Variants in SH3KBP1 observed in about 807,000 individuals in gnomAD.
SH3KBP1 encodes the protein SH3 domain containing kinase binding protein 1.
A neutral mutation model predicts 50.1 loss-of-function variants in SH3KBP1; 8 were observed. The ratio of observed to expected loss-of-function variants is 0.16; its 90% confidence interval spans 0.09 to 0.29. SH3KBP1 has a LOEUF of 0.29. Ranked by LOEUF, SH3KBP1 falls within the 10% of genes least tolerant of loss-of-function variation. The pLI, the probability that SH3KBP1 is intolerant of heterozygous loss-of-function variation, is 1.00. For synonymous variants in SH3KBP1, 227 were observed against 218.6 expected, an observed-to-expected ratio of 1.04 and a Z score of -0.34; for missense variants, 377 against 535.2, an observed-to-expected ratio of 0.70 and a Z score of 2.92.
rs1054628054 is a variant in SH3KBP1 at position 19,567,839 on chromosome X, C to T, written c.1384+1264G>A. ...TCAGCCTTCTATATTATGTAGAATA[C>T]GAGAGAATGCTAACTTATGACCTTG... On this transcript the variant is annotated intron_variant, in intron 13 of 17. Transcript: ENST00000397821. Among the ~76,000 whole-genome samples the T allele has an allele frequency of 7.0e-4, 76 of 109,248 alleles. 1 individual carries two copies. The highest frequency in any genetic ancestry group is 2.1e-3 in the African/African-American group (64 of 29,899). 94.9% of individuals were successfully genotyped at this position (109,248 alleles called of 115,157 possible).
rs1569277810 is a variant in SH3KBP1, at chrX:19,553,991, A to ATATATATTAAAATATAATATATAT, written c.1385-3909_1385-3908insATATATATTATATTTTAATATATA. ...AATATATATTAAAATATAATATATA[A>ATATATATTAAAATATAATATATAT]TATATATTAAAATATAATATATAAT... On this transcript the variant is annotated intron_variant, in intron 13 of 17. Transcript: ENST00000397821. Among the ~76,000 whole-genome samples, 17 of 63,774 alleles carry ATATATATTAAAATATAATATATAT rather than the reference A, an allele frequency of 2.7e-4. No individual in the cohort carries two copies. The East Asian group carries it at 3.3e-3, about 12-fold the overall frequency. 55.4% of individuals were successfully genotyped at this position (63,774 alleles called of 115,157 possible). A position where few individuals can be genotyped will look rare whatever the true frequency, so the allele number is the denominator to read the frequency against.
intron 1 of SH3KBP1, among the ~76,000 whole-genome samples, chrX:19,872,956 C>A (rs2069101401): frequency 9.2e-6 from 1 of 109,141 alleles, no homozygotes; most frequent in Non-Finnish European, 1.9e-5. Context: ...AGTACCCTGC[C>A]AATTCCCATG....
At chrX:19,540,129 C>G (rs923950014) in intron 16 of SH3KBP1, among the ~76,000 whole-genome samples, 2 of 111,591 alleles carry the variant, frequency 1.8e-5, no homozygotes, top group African/African-American at 6.5e-5. Context: ...CACAGGTCAC[C>G]TGGACGTGGA....
chrX:19,735,724 C>G (rs866589012), intron 3 of SH3KBP1, among the ~76,000 whole-genome samples: 1 of 8,619 alleles, frequency 1.2e-4, no homozygotes, highest in Non-Finnish European at 2.6e-4. Flanking sequence ...TTTTTTTTGG[C>G]GGGGGGGGGG....
intron 13 of SH3KBP1, among the ~76,000 whole-genome samples, chrX:19,555,311 T>C (rs926336743): frequency 3.6e-5 from 4 of 112,023 alleles, no homozygotes; most frequent in African/African-American, 1.3e-4. Flanking sequence ...GAAAGGGCCT[T>C]TGACTCTTCA....
chrX:19,740,414 C>G (rs2064734243), intron 3 of SH3KBP1, among the ~76,000 whole-genome samples: 1 of 112,058 alleles, frequency 8.9e-6, no homozygotes. Context: ...ACTGCCAGAT[C>G]GCCAGATTTT....
chrX:19,788,064 G>A (rs1333831908), intron 2 of SH3KBP1, among the ~76,000 whole-genome samples: 1 of 110,450 alleles, frequency 9.1e-6, no homozygotes, highest in African/African-American at 3.3e-5. Context: ...TTAAAATTAG[G>A]TCATTTGAGT....
At chrX:19,768,093 C>A (rs2065676792) in intron 2 of SH3KBP1, among the ~76,000 whole-genome samples, 1 of 110,901 alleles carries the variant, frequency 9.0e-6, no homozygotes, top group Non-Finnish European at 1.9e-5. Flanking sequence ...CACAGACACA[C>A]AAAATACACA....
chrX:19,613,167 A>T (rs896100424), intron 8 of SH3KBP1, among the ~76,000 whole-genome samples: 6 of 112,313 alleles, frequency 5.3e-5, no homozygotes, highest in Non-Finnish European at 1.1e-4. Context: ...TGAAGGCAGG[A>T]TGGTGAGGCA....
At chrX:19,582,193 T>A (rs991053693) in intron 12 of SH3KBP1, among the ~76,000 whole-genome samples, 4 of 112,357 alleles carry the variant, frequency 3.6e-5, no homozygotes, top group Non-Finnish European at 7.5e-5. Context: ...TCCGCTTCCA[T>A]CCTGACATTC....
chrX:19,802,684 C>T (rs1287675690), intron 2 of SH3KBP1, among the ~76,000 whole-genome samples: 3 of 111,546 alleles, frequency 2.7e-5, no homozygotes, highest in East Asian at 2.8e-4. Context: ...GGCTCTGGCC[C>T]GTCCTCTTCA....
chrX:19,728,816 C>G (rs1283862368), intron 3 of SH3KBP1, among the ~76,000 whole-genome samples: 1 of 112,046 alleles, frequency 8.9e-6, no homozygotes, highest in Non-Finnish European at 1.9e-5. Context: ...TACCATGACC[C>G]TGAACTGGAG....
chrX:19,550,486 C>T (rs1015659987), intron 13 of SH3KBP1, among the ~76,000 whole-genome samples: 21 of 111,434 alleles, frequency 1.9e-4, no homozygotes, highest in Non-Finnish European at 3.4e-4. Flanking sequence ...CAGCCACAAG[C>T]GAGTGGATGC....
intron 2 of SH3KBP1, among the ~76,000 whole-genome samples, chrX:19,827,515 C>G (rs954323008): frequency 2.7e-5 from 3 of 111,618 alleles, no homozygotes; most frequent in Non-Finnish European, 5.6e-5. Flanking sequence ...GCTATAGTTT[C>G]AAGGCTTTTT....
intron 8 of SH3KBP1, among the ~76,000 whole-genome samples, chrX:19,614,012 A>G (rs184375028): frequency 8.8e-6 from 1 of 113,142 alleles, no homozygotes; most frequent in East Asian, 2.8e-4. Context: ...TGTGACCAGG[A>G]GAGCTGCTTA....
intron 4 of SH3KBP1, among the ~76,000 whole-genome samples, chrX:19,699,588 G>A (rs1406381369): frequency 8.9e-6 from 1 of 112,529 alleles, no homozygotes; most frequent in African/African-American, 3.2e-5. Flanking sequence ...GCTGGGAGCA[G>A]AGCAGCTTAC....
At chrX:19,807,585 T>C (rs920241758) in intron 2 of SH3KBP1, among the ~76,000 whole-genome samples, 3 of 111,782 alleles carry the variant, frequency 2.7e-5, no homozygotes, top group Non-Finnish European at 5.6e-5. Flanking sequence ...TGTTTCTTCA[T>C]GGCTGCATGT....
At position 19,708,460 on chromosome X, in the gene SH3KBP1, T is replaced by C. The variant is rs2063702988; in HGVS notation, c.287-1476A>G. On this transcript the variant is annotated intron_variant, in intron 3 of 17. Coordinates refer to ENST00000397821, the MANE Select transcript of SH3KBP1 (RefSeq NM_031892.3). ...GATGCTGATGGCACTGTCAGCAGGC[T>C]GAGTAGTGCAACCCCAAGGAGGGCT... Among the ~76,000 whole-genome samples, 3 of 111,779 alleles carry C rather than the reference T, an allele frequency of 2.7e-5. No individual in the cohort carries two copies. The Admixed American group carries it at 2.8e-4, about 11-fold the overall frequency.
At chrX:19,574,235 G>C (rs1365466864) in intron 12 of SH3KBP1, among the ~76,000 whole-genome samples, 1 of 111,411 alleles carries the variant, frequency 9.0e-6, no homozygotes, top group Non-Finnish European at 1.9e-5. Flanking sequence ...CCTTATCACA[G>C]CACTTCATAT....
Sources: gnomAD v4.1 joint callset for allele counts (sites outside exome capture counted in the v4.1 genomes callset) on GRCh38, gnomAD v4.1.1 for gene constraint, MANE v1.5 for transcripts, NCBI Gene and HGNC (gene_info 2026-07-23, HGNC 2026-07-21) for gene names.